Variants in PHYKPL observed in about 807,000 individuals in gnomAD.
The protein encoded by PHYKPL is 5-phosphonooxy-L-lysine phospho-lyase.
A neutral mutation model predicts 51.3 loss-of-function variants in PHYKPL; 42 were observed. The ratio of observed to expected loss-of-function variants is 0.82; its 90% CI spans 0.64 to 1.06. The LOEUF (loss-of-function observed/expected upper bound fraction) is 1.06. Ranked by LOEUF, PHYKPL falls within the 50% of genes least tolerant of loss-of-function variation. PHYKPL has a pLI of 0.00. For synonymous variants in PHYKPL, 264 were observed against 236.0 expected, an observed-to-expected ratio of 1.12 and a Z score of -1.09; for missense variants, 655 against 586.6, an observed-to-expected ratio of 1.12 and a Z score of -1.20.
Position 178,231,094 on chromosome 5 carries a change from C to T in PHYKPL, c.178+311G>A, listed in dbSNP as rs575852375. On this transcript the variant is annotated intron_variant, in intron 2 of 12. Transcript: ENST00000308158. ...ATGGGGCTGAAGCACTGCCATGACC[C>T]CAGCACTTGGCCAGCACTGTGCTAC... 7.2e-5 allele frequency among the ~76,000 whole-genome samples: 11 copies of T among 152,306 alleles called. No homozygotes were observed. The East Asian group carries it at 2.1e-3, about 29-fold the overall frequency.
chr5:178,214,472 G>A (rs1312783521), intron 10 of PHYKPL, among the ~76,000 whole-genome samples: 1 of 152,170 alleles, frequency 6.6e-6, no homozygotes, highest in Non-Finnish European at 1.5e-5. Context: ...TGGCATTAGG[G>A]GTTCCTGGGT....
intron 6 of PHYKPL, chr5:178,223,918 C>A (rs188943539): frequency 6.2e-5 from 12 of 193,976 alleles, no homozygotes; most frequent in Middle Eastern, 2.2e-3. Flanking sequence ...CTCAAGCCGC[C>A]GCATTCCAAT....
chr5:178,210,119 G>A, intron 12 of PHYKPL: 1 of 1,613,884 alleles, frequency 6.2e-7, no homozygotes, highest in Non-Finnish European at 8.5e-7. Flanking sequence ...CCTGTGCCCT[G>A]CTCCCCCCAC....
chr5:178,207,204 C>T (rs1257569556), downstream of PHYKPL: 1 of 1,614,168 alleles, frequency 6.2e-7, no homozygotes, highest in Admixed American at 1.7e-5. Flanking sequence ...AGAAAAAGTT[C>T]CATACTGTCA....
At chr5:178,215,126 G>C in intron 9 of PHYKPL, 150 bp downstream of exon 9, 11 of 1,283,484 alleles carry the variant, frequency 8.6e-6, no homozygotes, top group Non-Finnish European at 1.2e-5. Context: ...CTCCCCAGGA[G>C]AGCCGTTTTG....
At chr5:178,222,786 A>T in intron 7 of PHYKPL, 66 bp downstream of exon 7, 1 of 1,554,714 alleles carries the variant, frequency 6.4e-7, no homozygotes, top group Non-Finnish European at 8.8e-7. Context: ...TGGGATTTGG[A>T]CCAGAGGTTG....
At chr5:178,218,335 T>C (rs183353213) in intron 8 of PHYKPL, among the ~76,000 whole-genome samples, 1 of 150,888 alleles carries the variant, frequency 6.6e-6, no homozygotes, top group East Asian at 1.9e-4. Flanking sequence ...AGAACAAATA[T>C]GAAAACGTTA....
intron 12 of PHYKPL, chr5:178,211,272 TCTTCCAGCTGCAGGCC>T (rs1758308555): frequency 6.5e-6 from 1 of 152,794 alleles, no homozygotes; most frequent in African/African-American, 2.4e-5. Flanking sequence ...TGCAGCAGGC[TCTTCCAGCTGCAGGCC>T]CAGTTGTGGG....
intron 3 of PHYKPL, chr5:178,225,979 T>C (rs1367142002): frequency 6.5e-6 from 1 of 154,440 alleles, no homozygotes; most frequent in Non-Finnish European, 1.4e-5. Context: ...GGGGTCTCAC[T>C]ATATTGCCCA....
chr5:178,225,376 T>C lies in PHYKPL; in HGVS notation c.392A>G (p.Gln131Arg). 6.2e-7 allele frequency: 1 copy of C among 1,614,196 alleles called. No homozygotes were observed. The highest frequency in any genetic ancestry group is 8.5e-7 in the Non-Finnish European group (1 of 1,180,038). The change falls in exon 4 of 13, where the codon CAG (glutamine) becomes CGG (arginine). Residue 131 changes from glutamine (Q) to arginine (R), a missense_variant. Physicochemically the swap from Gln to Arg is conservative, Grantham distance 43. Coordinates refer to ENST00000308158, the MANE Select transcript of PHYKPL (RefSeq NM_153373.4). ...LRLARHYTGHQDVVVLDHAYH... is the reference protein window; with the variant it reads ...LRLARHYTGHRDVVVLDHAYH... ...TTACTGATCTAATACCACCACGTCC[T>C]GGTGTCCCGTGTAGTGGCGAGCCAG...
chr5:178,227,806 G>A (rs1762587224), intron 3 of PHYKPL, among the ~76,000 whole-genome samples: 1 of 152,216 alleles, frequency 6.6e-6, no homozygotes, highest in South Asian at 2.1e-4. Context: ...GACCAAGGAG[G>A]AGGACGCCAG....
intron 12 of PHYKPL, chr5:178,210,706 T>A (rs1483574470): frequency 9.1e-7 from 1 of 1,102,196 alleles, no homozygotes; most frequent in African/African-American, 1.5e-5. Context: ...AAATTTAACT[T>A]GGCAAACTTT....
chr5:178,215,810 G>A, intron 8 of PHYKPL: 1 of 184,846 alleles, frequency 5.4e-6, no homozygotes, highest in East Asian at 1.7e-4. Context: ...CCTCCAGGGA[G>A]AGTGAGCGCA....
At chr5:178,211,800 A>T in intron 12 of PHYKPL, 90 bp downstream of exon 12, 1 of 876,830 alleles carries the variant, frequency 1.1e-6, no homozygotes, top group Non-Finnish European at 1.8e-6. Context: ...AAAAAGTCTT[A>T]AAAAAAGGCT....
In PHYKPL at chr5:178,224,664, C is replaced by T. The variant is rs370263911; in HGVS notation, c.479G>A (p.Gly160Asp). 3.1e-6 allele frequency: 5 copies of T among 1,614,108 alleles called. No homozygotes were observed. The highest frequency in any genetic ancestry group is 1.3e-5 in the African/African-American group (1 of 74,940). ...TACCACGTGGACCCACTCCTTCTGG[C>T]CATCCAGGTTGCGGAACTTGTAGGG... is the stretch of plus-strand genomic sequence containing the variant. ...ISPYKFRNLD[G>D]QKEWVHVAPL... Residue 160 changes from glycine (G) to aspartate (D), a missense_variant, in exon 5 of 13, where the codon GGC becomes GAC. Coordinates refer to ENST00000308158, the MANE Select transcript of PHYKPL (RefSeq NM_153373.4).
chr5:178,208,778 G>A lies in PHYKPL; in HGVS notation c.*169C>T, dbSNP rs1229848616. 6.5e-6 allele frequency: 1 copy of A among 153,632 alleles called. No homozygotes were observed. Among genetic ancestry groups the A allele is most frequent in the East Asian group, 1.9e-4 (1 of 5,214 alleles). The allele number at this position is 153,632 out of a possible 1,614,324, so 9.5% of individuals were successfully genotyped here. A position where few individuals can be genotyped will look rare whatever the true frequency, so the allele number is the denominator to read the frequency against. On this transcript the variant is annotated 3_prime_UTR_variant, in exon 13 of 13. Coordinates refer to ENST00000308158, the MANE Select transcript of PHYKPL (RefSeq NM_153373.4). ...TCTGGGTTATTCCAACAGACCAGTGGTTAGGAGGAGGGGGTGGGTAGCATT... is the reference window on the plus strand; with the variant it reads ...TCTGGGTTATTCCAACAGACCAGTGATTAGGAGGAGGGGGTGGGTAGCATT...
chr5:178,213,000 C>T lies in PHYKPL; in HGVS notation c.1276G>A (p.Val426Met). 11 of 1,614,160 alleles carry T rather than the reference C, an allele frequency of 6.8e-6. No homozygotes were observed. Among genetic ancestry groups the T allele is most frequent in the Non-Finnish European group, 9.3e-6 (11 of 1,180,010 alleles). ...CFSLDNARQV[V>M]AKLDAILTDM... is the part of the protein sequence containing the mutation. ...GTCAGAATGGCATCCAGCTTTGCCA[C>T]CACCTGCCGTGCATTGTCCAGGCTG... The change falls in exon 11 of 13, where the codon GTG becomes ATG. Residue 426 changes from valine to methionine, a missense_variant. Transcript: ENST00000308158.
In PHYKPL at chr5:178,224,704, G is replaced by C. The variant is rs1277946517; in HGVS notation, c.439C>G (p.Leu147Val). 3 of 1,614,188 alleles carry C rather than the reference G, an allele frequency of 1.9e-6. No homozygotes were observed. Among genetic ancestry groups the C allele is most frequent in the East Asian group, 2.2e-5 (1 of 44,874 alleles). The change falls in exon 5 of 13, where the codon CTG (leucine) becomes GTG (valine). Residue 147 changes from leucine (L) to valine (V), a missense_variant. By Grantham distance (32) the Leu-to-Val change is conservative. Coordinates refer to ENST00000308158, the MANE Select transcript of PHYKPL (RefSeq NM_153373.4). Reference sequence around the variant, plus strand: ...AACTTGTAGGGACTGATGTCAATCAGGGAGCTCAGGTGGCCGTGATACGCA... The same window carrying C: ...AACTTGTAGGGACTGATGTCAATCACGGAGCTCAGGTGGCCGTGATACGCA... Reference protein sequence around the residue: ...DHAYHGHLSSLIDISPYKFRN... With the variant: ...DHAYHGHLSSVIDISPYKFRN...
intron 12 of PHYKPL, 59 bp downstream of exon 12, chr5:178,211,828 TTGC>T: frequency 8.2e-7 from 1 of 1,226,584 alleles, no homozygotes; most frequent in South Asian, 1.3e-5. Context: ...CCGAGGCTGC[TTGC>T]TGCTGATGGT....
Sources: allele counts gnomAD v4.1 joint callset (sites outside exome capture counted in the v4.1 genomes callset), GRCh38; gene constraint gnomAD v4.1.1; transcripts MANE v1.5; gene names NCBI Gene and HGNC (gene_info 2026-07-23, HGNC 2026-07-21).